TC2N: variants seen among roughly 807,000 people sequenced by gnomAD.
TC2N encodes tandem C2 domains nuclear protein.
Under a neutral mutation model 61.9 loss-of-function variants are expected in TC2N, and 51 were observed. The observed-to-expected ratio is 0.82, with a 90% CI of 0.66 to 1.04. The LOEUF is 1.04. Among genes scored for constraint, TC2N ranks in the 50% least tolerant of loss-of-function variants. The pLI, the probability that TC2N is intolerant of heterozygous loss-of-function variation, is 0.00. For synonymous variants in TC2N, 204 were observed against 192.6 expected, an observed-to-expected ratio of 1.06 and a Z score of -0.49; for missense variants, 556 against 566.7, an observed-to-expected ratio of 0.98 and a Z score of 0.19.
At chr14:91,840,685 T>C (rs767272110) in intron 1 of TC2N, among the ~76,000 whole-genome samples, 16 of 152,230 alleles carry the variant, frequency 1.1e-4, no homozygotes, top group Non-Finnish European at 2.2e-4. Flanking sequence ...AAGGCTAGGC[T>C]CCAAAAGGTC....
At chr14:91,799,362 G>A (rs370009415) in intron 5 of TC2N, among the ~76,000 whole-genome samples, 3 of 151,984 alleles carry the variant, frequency 2.0e-5, no homozygotes, top group Non-Finnish European at 2.9e-5. Flanking sequence ...GAGTATTAAC[G>A]AAAATGAGAA....
chr14:91,836,335 G>C (rs1231007825), intron 1 of TC2N: 1 of 152,142 alleles, frequency 6.6e-6, no homozygotes, highest in African/African-American at 2.4e-5. Flanking sequence ...TCCCACGCCC[G>C]CGCTGGGCCG....
At chr14:91,794,702 G>A (rs911891874) in intron 8 of TC2N, among the ~76,000 whole-genome samples, 27 of 151,972 alleles carry the variant, frequency 1.8e-4, no homozygotes, top group Non-Finnish European at 3.4e-4. Context: ...CATTGACAAT[G>A]CACTTCGTCA....
intron 3 of TC2N, among the ~76,000 whole-genome samples, chr14:91,804,837 G>C (rs527937944): frequency 2.6e-5 from 4 of 152,164 alleles, no homozygotes; most frequent in Admixed American, 1.3e-4. Context: ...AGAAGCTATG[G>C]GGTTACTAGT....
intron 1 of TC2N, chr14:91,836,201 G>A (rs937054663): frequency 2.6e-5 from 4 of 152,586 alleles, no homozygotes; most frequent in Non-Finnish European, 1.5e-5. Context: ...CGCAAGGCGG[G>A]GCCGCCCTCA....
chr14:91,785,171 A>G lies in TC2N; in HGVS notation c.1353T>C (p.Phe451=), dbSNP rs1334072276. Reference sequence around the variant, plus strand: ...AAAAACTCCTACTAACCTGGCCCACAAAGTGTTTTCTTCTTACAGAGCTTC... The same window carrying G: ...AAAAACTCCTACTAACCTGGCCCACGAAGTGTTTTCTTCTTACAGAGCTTC... ...YSRSSVRRKH[F]VGQIWISEDS... The change falls in exon 11 of 12, where the codon TTT becomes TTC. Residue 451 remains phenylalanine (F), a synonymous_variant. Coordinates refer to ENST00000435962, the MANE Select transcript of TC2N (RefSeq NM_001128596.3). 3.7e-6 allele frequency: 6 copies of G among 1,612,216 alleles called. No individual in the cohort carries two copies. The South Asian group carries it at 6.6e-5, about 18-fold the overall frequency.
chr14:91,825,671 A>G (rs868081416), intron 1 of TC2N, among the ~76,000 whole-genome samples: 4 of 152,296 alleles, frequency 2.6e-5, no homozygotes, highest in South Asian at 2.1e-4. Flanking sequence ...GAACTACGTT[A>G]GGGTAGGAAT....
At chr14:91,824,674 C>G (rs1283270348) in intron 1 of TC2N, among the ~76,000 whole-genome samples, 1 of 152,186 alleles carries the variant, frequency 6.6e-6, no homozygotes, top group African/African-American at 2.4e-5. Context: ...GCGCTTACAA[C>G]AGAGGAGGGA....
chr14:91,820,966 G>A (rs762046017), intron 1 of TC2N, among the ~76,000 whole-genome samples: 9 of 152,060 alleles, frequency 5.9e-5, no homozygotes, highest in Non-Finnish European at 1.2e-4. Context: ...CTCAATACTT[G>A]TGAAGATATC....
At position 91,837,119 on chromosome 14, in the gene TC2N, A is replaced by G. The variant is rs1468616919; in HGVS notation, c.-56-23294T>C. 2.0e-5 allele frequency among the ~76,000 whole-genome samples: 3 copies of G among 152,228 alleles called. No homozygotes were observed. Among genetic ancestry groups the G allele is most frequent in the Non-Finnish European group, 4.4e-5 (3 of 68,048 alleles). On this transcript the variant is annotated intron_variant, in intron 1 of 11. Coordinates refer to ENST00000435962, the MANE Select transcript of TC2N (RefSeq NM_001128596.3). The surrounding 1 kb of genome is among the most constrained non-coding windows in gnomAD (Gnocchi z 4.2). Reference sequence around the variant, plus strand: ...TGAGGGATCCCCTCTAACCCTGGTAAAGCGGGGGGCCTGGCCCTTTTCTCT... The same window carrying G: ...TGAGGGATCCCCTCTAACCCTGGTAGAGCGGGGGGCCTGGCCCTTTTCTCT...
intron 1 of TC2N, among the ~76,000 whole-genome samples, chr14:91,856,167 C>T (rs913960884): frequency 5.8e-4 from 89 of 152,246 alleles, no homozygotes; most frequent in African/African-American, 2.0e-3. Flanking sequence ...GGCTCTAACA[C>T]AGAATCTGGC....
chr14:91,783,331 A>G, intron 11 of TC2N, 121 bp from the exon 12 acceptor site: 1 of 534,618 alleles, frequency 1.9e-6, no homozygotes, highest in African/African-American at 2.0e-5. Context: ...TTTTAAATTA[A>G]ACATCTTTCT....
At position 91,792,374 on chromosome 14, in the gene TC2N, T is replaced by A. The variant is rs1483930340; in HGVS notation, c.1040A>T (p.Lys347Ile). ...DYSLDITPPS[K>I]ISVCHAELEL... is the part of the protein sequence containing the mutation. ...CATACTATTATCGCTTACAGAAATTTTTGAAGGTGGTGTTATATCCAAAGA... is the reference window on the plus strand; with the variant it reads ...CATACTATTATCGCTTACAGAAATTATTGAAGGTGGTGTTATATCCAAAGA... Residue 347 changes from lysine (K) to isoleucine (I), a missense_variant, in exon 9 of 12, where the codon AAA (lysine) becomes ATA (isoleucine). Physicochemically the swap from Lys to Ile is moderately radical, Grantham distance 102 (BLOSUM62 -3). Transcript: ENST00000435962. 3.2e-6 allele frequency: 5 copies of A among 1,585,390 alleles called. No individual in the cohort carries two copies. The highest frequency in any genetic ancestry group is 1.8e-5 in the Admixed American group (1 of 56,892).
At chr14:91,808,553 C>G in intron 3 of TC2N, among the ~76,000 whole-genome samples, 1 of 152,170 alleles carries the variant, frequency 6.6e-6, no homozygotes, top group East Asian at 1.9e-4. Context: ...ACATATTTAA[C>G]TTCTTTAATT....
At chr14:91,833,608 T>A (rs1379088966) in intron 1 of TC2N, among the ~76,000 whole-genome samples, 8 of 152,106 alleles carry the variant, frequency 5.3e-5, no homozygotes, top group Non-Finnish European at 1.0e-4. Flanking sequence ...TTTGGATCCA[T>A]CCCTCCTTAC....
chr14:91,784,120 A>C (rs568427454), intron 11 of TC2N, among the ~76,000 whole-genome samples: 1 of 152,204 alleles, frequency 6.6e-6, no homozygotes, highest in South Asian at 2.1e-4. Flanking sequence ...ACCAGCAAGA[A>C]CCTTTCCAGA....
At chr14:91,850,339 A>T (rs1216740003) in intron 1 of TC2N, among the ~76,000 whole-genome samples, 7 of 152,214 alleles carry the variant, frequency 4.6e-5, no homozygotes, top group African/African-American at 1.7e-4. Context: ...ATACTGAACA[A>T]ATATTTGGTG....
chr14:91,834,200 A>G (rs942914216), intron 1 of TC2N, among the ~76,000 whole-genome samples: 6 of 152,238 alleles, frequency 3.9e-5, no homozygotes, highest in African/African-American at 7.2e-5. Flanking sequence ...AACACAGTTT[A>G]TATGTGTGAC....
chr14:91,814,481 G>A (rs768757073), intron 1 of TC2N, among the ~76,000 whole-genome samples: 17 of 150,742 alleles, frequency 1.1e-4, no homozygotes, highest in Non-Finnish European at 2.2e-4. Flanking sequence ...AGAATGAAGC[G>A]GAGAGAGAGG....
Sources: allele counts gnomAD v4.1 joint callset (sites outside exome capture counted in the v4.1 genomes callset), GRCh38; gene constraint gnomAD v4.1.1; non-coding constraint Gnocchi (gnomAD v3.1); transcripts MANE v1.5; gene names NCBI Gene and HGNC (gene_info 2026-07-23, HGNC 2026-07-21).